GUCY1A2: variants seen among roughly 807,000 people sequenced by gnomAD.
GUCY1A2 encodes the protein guanylate cyclase 1 soluble subunit alpha 2.
A neutral mutation model predicts 63.5 loss-of-function variants in GUCY1A2; 27 were observed. That is an observed-to-expected ratio of 0.43 (90% CI 0.31 to 0.59). The LOEUF (loss-of-function observed/expected upper bound fraction) is 0.59. GUCY1A2 is among the 20% of genes least tolerant of loss of function. The probability of loss-of-function intolerance (pLI) is 0.11; values close to 1 mark genes in which losing one functional copy is unlikely to be tolerated. For missense variants in GUCY1A2, 768 were observed against 913.3 expected, an observed-to-expected ratio of 0.84 and a Z score of 2.05; for synonymous variants, 364 against 343.5, an observed-to-expected ratio of 1.06 and a Z score of -0.66.
At chr11:106,829,406 A>G (rs1488033090) in intron 4 of GUCY1A2, among the ~76,000 whole-genome samples, 1 of 152,230 alleles carries the variant, frequency 6.6e-6, no homozygotes, top group Admixed American at 6.5e-5. Flanking sequence ...CTGACTTTAA[A>G]GCCTAGTTCC....
At chr11:106,986,921 G>A (rs1023003153) in intron 1 of GUCY1A2, among the ~76,000 whole-genome samples, 9 of 152,166 alleles carry the variant, frequency 5.9e-5, no homozygotes. Context: ...GCTTAAGACA[G>A]AGGTTCTTAA....
intron 6 of GUCY1A2, among the ~76,000 whole-genome samples, chr11:106,728,620 T>G: frequency 6.6e-6 from 1 of 152,190 alleles, no homozygotes; most frequent in East Asian, 1.9e-4. Flanking sequence ...ATGGGTGATT[T>G]AAATGCATGC....
chr11:106,746,726 A>G, intron 6 of GUCY1A2: 1 of 685,912 alleles, frequency 1.5e-6, no homozygotes, highest in Non-Finnish European at 2.5e-6. Flanking sequence ...ATTTGCATAT[A>G]CATATAGCCA....
At chr11:106,898,440 A>T (rs1944201) in intron 4 of GUCY1A2, among the ~76,000 whole-genome samples, 23,303 of 152,218 alleles carry the variant, frequency 0.15, 2,160 homozygotes, top group South Asian at 0.28. Flanking sequence ...AACTCAAAGC[A>T]ACCAAGATGT....
chr11:106,925,541 T>C (rs1188712127), intron 4 of GUCY1A2, among the ~76,000 whole-genome samples: 1 of 152,206 alleles, frequency 6.6e-6, no homozygotes, highest in East Asian at 1.9e-4. Context: ...AATAAATACT[T>C]AGATGATCAT....
intron 6 of GUCY1A2, among the ~76,000 whole-genome samples, chr11:106,754,688 C>T (rs12280322): frequency 0.15 from 22,458 of 152,150 alleles, 3,116 homozygotes; most frequent in African/African-American, 0.37. Context: ...ACCAGCCTTG[C>T]AACCCAGGGA....
chr11:106,746,270 G>GTGTC (rs1863785885), intron 6 of GUCY1A2, among the ~76,000 whole-genome samples: 1 of 152,136 alleles, frequency 6.6e-6, no homozygotes, highest in Non-Finnish European at 1.5e-5. Context: ...ACTGGGGCAA[G>GTGTC]TGTCTTCATT....
intron 4 of GUCY1A2, among the ~76,000 whole-genome samples, chr11:106,832,360 C>A (rs994135868): frequency 6.6e-6 from 1 of 152,024 alleles, no homozygotes; most frequent in African/African-American, 2.4e-5. Flanking sequence ...ATCTCTAGGG[C>A]AAACTATGTA....
Position 106,682,842 on chromosome 11 carries a change from G to T in GUCY1A2, c.*4707C>A. 1 of 215,348 alleles carries T rather than the reference G, an allele frequency of 4.6e-6. No homozygotes were observed. The highest frequency in any genetic ancestry group is 9.4e-6 in the Non-Finnish European group (1 of 106,644). The allele number at this position is 215,348 out of a possible 1,614,324, so 13.3% of individuals were successfully genotyped here. A position where few individuals can be genotyped will look rare whatever the true frequency, so the allele number is the denominator to read the frequency against. On this transcript the variant is annotated 3_prime_UTR_variant, in exon 8 of 8. Coordinates refer to ENST00000526355, the MANE Select transcript of GUCY1A2 (RefSeq NM_000855.3). ...AGGAACAAAGGAAGGAAGAAAACAA[G>T]GGATGGAAGAACAGTCATACGCAGG...
chr11:106,860,026 A>G (rs1006366165), intron 4 of GUCY1A2, among the ~76,000 whole-genome samples: 3 of 152,004 alleles, frequency 2.0e-5, no homozygotes, highest in African/African-American at 7.2e-5. Context: ...CATCTAATTC[A>G]GCATAAATAA....
chr11:107,007,089 A>G (rs1861680685), intron 1 of GUCY1A2, among the ~76,000 whole-genome samples: 1 of 152,038 alleles, frequency 6.6e-6, no homozygotes, highest in Non-Finnish European at 1.5e-5. Flanking sequence ...AGCCAAGAAA[A>G]CCGTACAGTA....
At chr11:106,997,066 TTAACTC>T (rs1341563072) in intron 1 of GUCY1A2, among the ~76,000 whole-genome samples, 1 of 152,166 alleles carries the variant, frequency 6.6e-6, no homozygotes, top group African/African-American at 2.4e-5. Flanking sequence ...CTTTTTTAGT[TTAACTC>T]TAAACTATCT....
intron 4 of GUCY1A2, among the ~76,000 whole-genome samples, chr11:106,853,711 C>T (rs1431937837): frequency 1.3e-5 from 2 of 152,106 alleles, no homozygotes; most frequent in East Asian, 1.9e-4. Context: ...TGTTTCCTTG[C>T]TTTCTCATTC....
rs7940222 is a variant in GUCY1A2, at chr11:106,749,249, A to G, written c.1836+27190T>C. Among the ~76,000 whole-genome samples, 1,435 of 152,202 alleles carry G rather than the reference A, an allele frequency of 9.4e-3. 17 individuals carry two copies. Among genetic ancestry groups the G allele is most frequent in the African/African-American group, 0.032 (1,335 of 41,566 alleles). On this transcript the variant is annotated intron_variant, in intron 6 of 7. Coordinates refer to ENST00000526355, the MANE Select transcript of GUCY1A2 (RefSeq NM_000855.3). ...ATTTGCATAATGATGAAATCATTTA[A>G]TGATTCATTTCTCAGATCATATCCC...
At position 106,708,640 on chromosome 11, in the gene GUCY1A2, G is replaced by A. The variant is rs201241195; in HGVS notation, c.1863C>T (p.Ser621=). 29 of 1,607,496 alleles carry A rather than the reference G, an allele frequency of 1.8e-5. No individual in the cohort carries two copies. Among genetic ancestry groups the A allele is most frequent in the East Asian group, 4.5e-5 (2 of 44,312 alleles). The stretch of plus-strand genomic sequence containing the variant: ...GCACCCCAACAACTCCAGCCAGCAC[G>A]GAGCCTGAGTGAATTCCTATCCTCA... ...IQMRIGIHSG[S]VLAGVVGVRM... Residue 621 remains serine, a synonymous_variant, in exon 7 of 8, where the codon TCC becomes TCT. Coordinates refer to ENST00000526355, the MANE Select transcript of GUCY1A2 (RefSeq NM_000855.3).
rs1861856892 is a variant in GUCY1A2, at chr11:107,018,231, G to A, written c.-176C>T. ...GGCCGCGGAGCCCCCCGAGCCGGCT[G>A]CTCATGGCGGGAACTTGGGGCGCCG... is the stretch of plus-strand genomic sequence containing the variant. On this transcript the variant is annotated 5_prime_UTR_variant, in exon 1 of 8. Transcript: ENST00000526355. 1 of 182,874 alleles carries A rather than the reference G, an allele frequency of 5.5e-6. No homozygotes were observed. Among genetic ancestry groups the A allele is most frequent in the African/African-American group, 2.4e-5 (1 of 41,454 alleles). 11.3% of individuals were successfully genotyped at this position (182,874 alleles called of 1,614,324 possible).
intron 6 of GUCY1A2, among the ~76,000 whole-genome samples, chr11:106,718,619 T>G (rs1863257738): frequency 6.6e-6 from 1 of 152,080 alleles, no homozygotes; most frequent in Admixed American, 6.5e-5. Context: ...AATTTACCTC[T>G]GTGCAAAAAA....
intron 6 of GUCY1A2, among the ~76,000 whole-genome samples, chr11:106,748,265 A>C (rs1227880429): frequency 6.9e-6 from 1 of 145,716 alleles, no homozygotes; most frequent in Non-Finnish European, 1.5e-5. Flanking sequence ...AAGAGAAAAG[A>C]AGCTTAAAAG....
chr11:106,735,657 G>A (rs890272780), intron 6 of GUCY1A2, among the ~76,000 whole-genome samples: 4 of 152,116 alleles, frequency 2.6e-5, no homozygotes, highest in Non-Finnish European at 5.9e-5. Flanking sequence ...CTAGCAGTGG[G>A]ATTGCTGGAT....
Sources: gnomAD v4.1 joint callset for allele counts (sites outside exome capture counted in the v4.1 genomes callset) on GRCh38, gnomAD v4.1.1 for gene constraint, MANE v1.5 for transcripts, NCBI Gene and HGNC (gene_info 2026-07-23, HGNC 2026-07-21) for gene names.